Variants in ZAP70 observed in about 807,000 individuals in gnomAD.
ZAP70 encodes the protein zeta chain of T cell receptor associated protein kinase 70, also known as tyrosine-protein kinase ZAP-70.
In ZAP70, 27 loss-of-function variants were observed where a neutral mutation model predicts 65.8. The observed-to-expected ratio is 0.41, with a 90% CI of 0.30 to 0.57. The LOEUF (loss-of-function observed/expected upper bound fraction) is 0.57. Among genes scored for constraint, ZAP70 ranks in the 20% least tolerant of loss-of-function variants. The probability of loss-of-function intolerance (pLI) is 0.28; values close to 1 mark genes in which losing one functional copy is unlikely to be tolerated. For missense variants in ZAP70, 696 were observed against 870.5 expected, an observed-to-expected ratio of 0.80 and a Z score of 2.52; for synonymous variants, 363 against 360.8, an observed-to-expected ratio of 1.01 and a Z score of -0.07.
At position 97,719,553 on chromosome 2, in the gene ZAP70, TG is replaced by T. The variant is rs148330791; in HGVS notation, c.-21-4453del. 2.9e-3 allele frequency among the ~76,000 whole-genome samples: 263 copies of T among 89,156 alleles called. 1 individual carries two copies. Among genetic ancestry groups the T allele is most frequent in the African/African-American group, 8.8e-3 (204 of 23,078 alleles). The allele number at this position is 89,156 out of a possible 152,430, so 58.5% of individuals were successfully genotyped here. A position where few individuals can be genotyped will look rare whatever the true frequency, so the allele number is the denominator to read the frequency against. ...GTGCTATCAGTGCTGGAGAACAGCC[TG>T]GGGGGGGGGCGCAGACCAGGTCTGG... On this transcript the variant is annotated intron_variant, in intron 2 of 13. Coordinates refer to ENST00000264972, the MANE Select transcript of ZAP70 (RefSeq NM_001079.4).
At chr2:97,742,585 C>T (rs2104716410), downstream of ZAP70, among the ~76,000 whole-genome samples, 1 of 152,366 alleles carries the variant, frequency 6.6e-6, no homozygotes, top group South Asian at 2.1e-4. Flanking sequence ...TTTCAAATTT[C>T]TCTCTTCTCT....
chr2:97,735,424 C>G lies in ZAP70; in HGVS notation c.1257C>G (p.Gly419=). 1 of 1,611,480 alleles carries G rather than the reference C, an allele frequency of 6.2e-7. No individual in the cohort carries two copies. The highest frequency in any genetic ancestry group is 8.5e-7 in the Non-Finnish European group (1 of 1,178,482). The part of the protein sequence containing the change: ...ALMLVMEMAG[G]GPLHKFLVGK... Reference sequence around the variant, plus strand: ...TGCTGGTCATGGAGATGGCTGGGGGCGGGCCGCTGCACAAGTTCCTGGTCG... The same window carrying G: ...TGCTGGTCATGGAGATGGCTGGGGGGGGGCCGCTGCACAAGTTCCTGGTCG... Residue 419 remains glycine (G), a synonymous_variant, in exon 10 of 14, where the codon GGC becomes GGG. Coordinates refer to ENST00000264972, the MANE Select transcript of ZAP70 (RefSeq NM_001079.4).
rs1211951219 is a variant in ZAP70, at chr2:97,736,545, CAGTA to C, written c.1290-922_1290-919del. Among the ~76,000 whole-genome samples the C allele has an allele frequency of 6.6e-6, 1 of 152,208 alleles. No homozygotes were observed. The highest frequency in any genetic ancestry group is 1.5e-5 in the Non-Finnish European group (1 of 68,046). ...CTGTATTCTGGTTGGAGAAGAGAGACAGTAAGTAACAATCCTGATGAAATCTAGA... is the reference window on the plus strand; with the variant it reads ...CTGTATTCTGGTTGGAGAAGAGAGACAGTAACAATCCTGATGAAATCTAGA... On this transcript the variant is annotated intron_variant, in intron 10 of 13. Transcript: ENST00000264972. The surrounding 1 kb of genome is among the most constrained non-coding windows in gnomAD (Gnocchi z 4.0).
intron 2 of ZAP70, 43 bp from the exon 3 acceptor site, chr2:97,723,973 C>G (rs201916152): frequency 6.5e-7 from 1 of 1,531,602 alleles, no homozygotes; most frequent in South Asian, 1.2e-5. Context: ...GCACCAGGTT[C>G]AGGAAGGCCC....
At chr2:97,740,012 C>G (rs1227747242), downstream of ZAP70, 1 of 156,094 alleles carries the variant, frequency 6.4e-6, no homozygotes, top group East Asian at 1.9e-4. Flanking sequence ...ACCCTAGGGA[C>G]ACCTTCATGT....
chr2:97,733,893 G>A, intron 8 of ZAP70: 2 of 533,764 alleles, frequency 3.7e-6, no homozygotes, highest in South Asian at 4.1e-5. Flanking sequence ...CTGTGTGTAT[G>A]AGCCACCGAA....
chr2:97,731,042 G>A lies in ZAP70; in HGVS notation c.564-1841G>A, dbSNP rs1462640448. 6.9e-6 allele frequency among the ~76,000 whole-genome samples: 1 copy of A among 145,122 alleles called. No individual in the cohort carries two copies. On this transcript the variant is annotated intron_variant, in intron 4 of 13. Coordinates refer to ENST00000264972, the MANE Select transcript of ZAP70 (RefSeq NM_001079.4). This position sits in a 1 kb window ranked among gnomAD's most constrained non-coding sequence, Gnocchi z 4.0. ...TGCACTCCAGCCCGGGCTGTGGAGC[G>A]AGACTCGGTCTCAAAAAAAAAAAAA...
chr2:97,728,994 C>T (rs537742805), intron 4 of ZAP70, among the ~76,000 whole-genome samples: 1 of 152,344 alleles, frequency 6.6e-6, no homozygotes, highest in South Asian at 2.1e-4. Context: ...CTCAGGTGAT[C>T]CACCCGCCTT....
In ZAP70 at chr2:97,739,440, C is replaced by G. The variant is rs1222194883; in HGVS notation, c.1802C>G (p.Ala601Gly). The change falls in exon 14 of 14, where the codon GCC becomes GGC. Residue 601 changes from alanine (A) to glycine (G), a missense_variant. Coordinates refer to ENST00000264972, the MANE Select transcript of ZAP70 (RefSeq NM_001079.4). ...ATGCGAGCCTGTTACTACAGCCTGG[C>G]CAGCAAGGTGGAAGGGCCCCCAGGC... ...QRMRACYYSL[A>G]SKVEGPPGST... 6.2e-7 allele frequency: 1 copy of G among 1,613,874 alleles called. No homozygotes were observed. Among genetic ancestry groups the G allele is most frequent in the Admixed American group, 1.7e-5 (1 of 60,020 alleles).
intron 4 of ZAP70, among the ~76,000 whole-genome samples, chr2:97,727,939 G>T (rs1439332885): frequency 1.8e-4 from 27 of 152,184 alleles, no homozygotes; most frequent in Non-Finnish European, 8.8e-5. Flanking sequence ...CCTGAGAGTG[G>T]CAGAGGATTC....
chr2:97,738,030 G>A lies in ZAP70; in HGVS notation c.1659G>A (p.Glu553=), dbSNP rs1395059791. The stretch of plus-strand genomic sequence containing the variant: ...GGCCGGAGGTCATGGCCTTCATCGA[G>A]CAGGGCAAGCGGATGGAGTGCCCAC... ...MKGPEVMAFI[E]QGKRMECPPE... is the part of the protein sequence containing the mutation. Residue 553 remains glutamate (E), a synonymous_variant, in exon 13 of 14, where the codon GAG becomes GAA. Coordinates refer to ENST00000264972, the MANE Select transcript of ZAP70 (RefSeq NM_001079.4). 3 of 1,613,258 alleles carry A rather than the reference G, an allele frequency of 1.9e-6. No individual in the cohort carries two copies. The highest frequency in any genetic ancestry group is 1.7e-5 in the Admixed American group (1 of 59,876).
chr2:97,724,276 G>T lies in ZAP70; in HGVS notation c.240G>T (p.Pro80=). The change falls in exon 3 of 14, where the codon CCG becomes CCT. Residue 80 remains proline, a synonymous_variant. Transcript: ENST00000264972. ...AIAGGKAHCG[P]AELCEFYSRD... is the part of the protein sequence containing the mutation. ...CCGGCGGCAAAGCGCACTGTGGACCGGCAGAGCTCTGCGAGTTCTACTCGC... is the reference window on the plus strand; with the variant it reads ...CCGGCGGCAAAGCGCACTGTGGACCTGCAGAGCTCTGCGAGTTCTACTCGC... 6.2e-7 allele frequency: 1 copy of T among 1,603,460 alleles called. No individual in the cohort carries two copies. Among genetic ancestry groups the T allele is most frequent in the Non-Finnish European group, 8.5e-7 (1 of 1,177,696 alleles).
intron 9 of ZAP70, 72 bp downstream of exon 9, chr2:97,734,784 G>A (rs955295414): frequency 1.0e-5 from 16 of 1,581,926 alleles, no homozygotes; most frequent in Middle Eastern, 3.3e-4. Context: ...CGGGCTGTGG[G>A]ACGGGAGCCG....
chr2:97,718,498 A>T (rs886139254), intron 2 of ZAP70, among the ~76,000 whole-genome samples: 1 of 152,064 alleles, frequency 6.6e-6, no homozygotes, highest in Admixed American at 6.6e-5. Context: ...GGGGTGGAAG[A>T]GGAGGCGCCC....
chr2:97,721,441 T>C (rs1382541794), intron 2 of ZAP70, among the ~76,000 whole-genome samples: 1 of 152,056 alleles, frequency 6.6e-6, no homozygotes, highest in East Asian at 1.9e-4. Flanking sequence ...TGAGACAGAG[T>C]CTCACTCTGT....
At chr2:97,714,856 T>G (rs1490270589) in intron 2 of ZAP70, among the ~76,000 whole-genome samples, 1 of 152,166 alleles carries the variant, frequency 6.6e-6, no homozygotes, top group Non-Finnish European at 1.5e-5. Context: ...TCAGCCCCAC[T>G]GCCCTGGCAG....
At position 97,737,561 on chromosome 2, in the gene ZAP70, C is replaced by T. The variant is rs1436454526; in HGVS notation, c.1378C>T (p.Arg460Cys). Residue 460 changes from arginine (R) to cysteine (C), a missense_variant, in exon 11 of 14, where the codon CGT becomes TGT. By Grantham distance (180) the Arg-to-Cys change is radical (BLOSUM62 -3). Around this residue, in one of 3 missense-constraint regions of ZAP70, gnomAD observed 67 missense variants for 151.9 expected, o/e 0.44. Transcript: ENST00000264972. The surrounding 1 kb of genome is among the most constrained non-coding windows in gnomAD (Gnocchi z 5.0). Reference sequence around the variant, plus strand: ...CCTGGAGGAGAAGAACTTTGTGCACCGTGACCTGGCGGCCCGCAACGTCCT... The same window carrying T: ...CCTGGAGGAGAAGAACTTTGTGCACTGTGACCTGGCGGCCCGCAACGTCCT... Reference protein sequence around the residue: ...KYLEEKNFVHRDLAARNVLLV... With the variant: ...KYLEEKNFVHCDLAARNVLLV... 3.7e-6 allele frequency: 6 copies of T among 1,614,004 alleles called. No homozygotes were observed. The highest frequency in any genetic ancestry group is 4.5e-5 in the East Asian group (2 of 44,898).
chr2:97,724,786 T>G lies in ZAP70; in HGVS notation c.403-306T>G. The G allele has an allele frequency of 3.3e-6, 5 of 1,504,398 alleles. No homozygotes were observed. The South Asian group carries it at 6.0e-5, about 18-fold the overall frequency. The allele number at this position is 1,504,398 out of a possible 1,614,324, so 93.2% of individuals were successfully genotyped here. Reference sequence around the variant, plus strand: ...GGGTGAGCCCTTAGGGTAGGGTGGCTGTTGGGGAAGATGGGCAGTAGTCGT... The same window carrying G: ...GGGTGAGCCCTTAGGGTAGGGTGGCGGTTGGGGAAGATGGGCAGTAGTCGT... On this transcript the variant is annotated intron_variant, in intron 3 of 13. Transcript: ENST00000264972.
rs1677684890 is a variant in ZAP70, at chr2:97,733,157, G to T, written c.735G>T (p.Gly245=). 1 of 1,613,802 alleles carries T rather than the reference G, an allele frequency of 6.2e-7. No individual in the cohort carries two copies. The highest frequency in any genetic ancestry group is 1.1e-5 in the South Asian group (1 of 91,090). ...AGTATCTGAAGCTGAAGGCGGACGG[G>T]CTCATCTACTGCCTGAAGGAGGCCT... ...LVEYLKLKAD[G]LIYCLKEACP... Residue 245 remains glycine (G), a synonymous_variant, in exon 6 of 14, where the codon GGG becomes GGT. Coordinates refer to ENST00000264972, the MANE Select transcript of ZAP70 (RefSeq NM_001079.4).
Sources: allele counts gnomAD v4.1 joint callset (sites outside exome capture counted in the v4.1 genomes callset), GRCh38; gene constraint gnomAD v4.1.1; regional missense constraint gnomAD v4.1.1; non-coding constraint Gnocchi (gnomAD v3.1); transcripts MANE v1.5; gene names NCBI Gene and HGNC (gene_info 2026-07-23, HGNC 2026-07-21).